Variants in CCDC47 observed in about 807,000 individuals in gnomAD.
The protein encoded by CCDC47 is PAT complex subunit CCDC47.
Under a neutral mutation model 60.5 loss-of-function variants are expected in CCDC47, and 41 were observed. The ratio of observed to expected loss-of-function variants is 0.68; its 90% CI spans 0.53 to 0.88. The LOEUF is 0.88. Ranked by LOEUF, CCDC47 falls within the 40% of genes least tolerant of loss-of-function variation. The pLI is 0.00. For synonymous variants in CCDC47, 195 were observed against 190.7 expected (o/e 1.02, Z -0.18); for missense variants, 513 against 580.9 (o/e 0.88, Z 1.20).
At chr17:63,765,307 A>T (rs1052539173) in intron 2 of CCDC47, among the ~76,000 whole-genome samples, 2 of 151,704 alleles carry the variant, frequency 1.3e-5, no homozygotes, top group African/African-American at 4.8e-5. Flanking sequence ...CACCAAAATG[A>T]TGAGTCCCCA....
rs1568254319 is a variant in CCDC47, at chr17:63,773,463, CCGGCCTGCCTCT to C, written c.-83_-72del. The C allele has an allele frequency of 6.5e-6, 1 of 153,150 alleles. No individual in the cohort carries two copies. The highest frequency in any genetic ancestry group is 1.5e-5 in the Non-Finnish European group (1 of 68,792). 9.5% of individuals were successfully genotyped at this position (153,150 alleles called of 1,614,324 possible). A position where few individuals can be genotyped will look rare whatever the true frequency, so the allele number is the denominator to read the frequency against. On this transcript the variant is annotated 5_prime_UTR_variant, in exon 1 of 13. Transcript: ENST00000225726. Reference sequence around the variant, plus strand: ...AGCGCCCTGCGTCCGACACCCCTGCCCGGCCTGCCTCTCGGCCTGGCCGCCGCCTCCGCGATC... The same window carrying C: ...AGCGCCCTGCGTCCGACACCCCTGCCCGGCCTGGCCGCCGCCTCCGCGATC...
chr17:63,747,036 T>G, intron 12 of CCDC47, 75 bp from the exon 13 acceptor site: 1 of 1,554,620 alleles, frequency 6.4e-7, no homozygotes, highest in African/African-American at 1.4e-5. Context: ...GAAACATATG[T>G]TAAAAAAAAA....
chr17:63,754,576 T>TC, intron 8 of CCDC47, 58 bp from the exon 9 acceptor site: 1 of 1,129,546 alleles, frequency 8.9e-7, no homozygotes, highest in Non-Finnish European at 1.3e-6. Flanking sequence ...TCCCTTTTTT[T>TC]CCTAAAGATA....
At chr17:63,759,564 TATATATATATATAA>T (rs1204912955) in intron 6 of CCDC47, among the ~76,000 whole-genome samples, 4 of 84,584 alleles carry the variant, frequency 4.7e-5, no homozygotes, top group Non-Finnish European at 6.5e-5. Context: ...TATATATATA[TATATATATATATAA>T]AACAATGATT....
chr17:63,769,263 A>C (rs529354065), intron 1 of CCDC47, among the ~76,000 whole-genome samples: 54 of 151,036 alleles, frequency 3.6e-4, no homozygotes, highest in African/African-American at 8.8e-4. Context: ...AAAAAAAAAA[A>C]CAAAATGTTA....
At chr17:63,751,801 T>TGTTTAGC (rs1374622731) in intron 12 of CCDC47, 139 bp downstream of exon 12, 2 of 902,892 alleles carry the variant, frequency 2.2e-6, no homozygotes, top group South Asian at 2.6e-5. Context: ...TTCTTTATAG[T>TGTTTAGC]GTTATCAATT....
Position 63,766,005 on chromosome 17 carries a change from G to A in CCDC47, c.171C>T (p.Val57=). The A allele has an allele frequency of 6.2e-7, 1 of 1,613,918 alleles. No homozygotes were observed. Among genetic ancestry groups the A allele is most frequent in the Non-Finnish European group, 8.5e-7 (1 of 1,179,938 alleles). Residue 57 remains valine, a synonymous_variant, in exon 2 of 13, where the codon GTC becomes GTT. Transcript: ENST00000225726. ...EDSVTESPQR[V]IITEDDEDET... ...CATCTTCATCATCTTCAGTGATTAT[G>A]ACCCGTTGAGGAGATTCAGTAACAG... is the stretch of plus-strand genomic sequence containing the variant.
At chr17:63,752,495 T>TA in intron 10 of CCDC47, 66 bp from the exon 11 acceptor site, 1 of 1,101,402 alleles carries the variant, frequency 9.1e-7, no homozygotes, top group African/African-American at 1.6e-5. Flanking sequence ...GTCACCCAAC[T>TA]CTTTTTTTTT....
At position 63,754,576 on chromosome 17, in the gene CCDC47, TC is replaced by T. The variant is rs1161304050; in HGVS notation, c.949-59del. The T allele has an allele frequency of 6.2e-6, 7 of 1,129,428 alleles. No individual in the cohort carries two copies. In the African/African-American group the frequency reaches 7.8e-5, roughly 13 times the overall value. 70.0% of individuals were successfully genotyped at this position (1,129,428 alleles called of 1,614,324 possible). ...AAGGTTTAATGCATTTCCCTTTTTTTCCTAAAGATATTCACTCTTTGAGATG... is the reference window on the plus strand; with the variant it reads ...AAGGTTTAATGCATTTCCCTTTTTTTCTAAAGATATTCACTCTTTGAGATG... On this transcript the variant is annotated intron_variant, in intron 8 of 12. Coordinates refer to ENST00000225726, the MANE Select transcript of CCDC47 (RefSeq NM_020198.3).
In CCDC47 at chr17:63,754,532, A is replaced by G; in HGVS notation, c.949-14T>C. On this transcript the variant is annotated splice_polypyrimidine_tract_variant and intron_variant, in intron 8 of 12. Transcript: ENST00000225726. ...AAAGTGAACCATCTGAAAAAAAGAA[A>G]ATAATATTTTTTAAAAGCAAGGTTT... The G allele has an allele frequency of 6.5e-7, 1 of 1,547,024 alleles. No homozygotes were observed. The highest frequency in any genetic ancestry group is 8.8e-7 in the Non-Finnish European group (1 of 1,132,088).
At chr17:63,753,505 C>A (rs1218088683) in intron 9 of CCDC47, 1 of 318,626 alleles carries the variant, frequency 3.1e-6, no homozygotes, top group Non-Finnish European at 4.5e-6. Flanking sequence ...CACAGCCTAT[C>A]AGAGGGTAGT....
chr17:63,764,902 T>A lies in CCDC47; in HGVS notation c.265-55A>T. The stretch of plus-strand genomic sequence containing the variant: ...TCTACAAATGTCACCAGCAGCTGTG[T>A]CTCATTTTGTTGGCAACATTTGTTG... On this transcript the variant is annotated intron_variant, in intron 2 of 12. Coordinates refer to ENST00000225726, the MANE Select transcript of CCDC47 (RefSeq NM_020198.3). 4 of 1,566,076 alleles carry A rather than the reference T, an allele frequency of 2.6e-6. No individual in the cohort carries two copies. The South Asian group carries it at 4.8e-5, about 19-fold the overall frequency.
chr17:63,756,131 TAA>T, intron 8 of CCDC47, 107 bp downstream of exon 8: 1 of 716,564 alleles, frequency 1.4e-6, no homozygotes. Flanking sequence ...GAAAGGAATG[TAA>T]AACTAATACA....
chr17:63,766,940 C>T, intron 1 of CCDC47: 3 of 984,466 alleles, frequency 3.0e-6, no homozygotes, highest in Non-Finnish European at 3.6e-6. Flanking sequence ...GATTTGTGTT[C>T]ATGCATGAAC....
chr17:63,762,814 T>G (rs1386821687), intron 4 of CCDC47, among the ~76,000 whole-genome samples: 1 of 152,268 alleles, frequency 6.6e-6, no homozygotes, highest in Non-Finnish European at 1.5e-5. Context: ...TTGGTTTCCG[T>G]CAGAATTTTA....
intron 6 of CCDC47, 49 bp from the exon 7 acceptor site, chr17:63,756,619 G>T: frequency 1.6e-6 from 2 of 1,277,166 alleles, no homozygotes; most frequent in Non-Finnish European, 2.3e-6. Context: ...TAGGTTCTGT[G>T]ATAGGCAGAT....
Position 63,751,951 on chromosome 17 carries a change from G to A in CCDC47, c.1360C>T (p.Arg454Cys), listed in dbSNP as rs755476973. The A allele has an allele frequency of 6.8e-6, 11 of 1,613,390 alleles. No individual in the cohort carries two copies. Among genetic ancestry groups the A allele is most frequent in the East Asian group, 2.2e-5 (1 of 44,882 alleles). The change falls in exon 12 of 13, where the codon CGC (arginine) becomes TGC (cysteine). Residue 454 changes from arginine (R) to cysteine (C), a missense_variant. Transcript: ENST00000225726. Reference protein sequence around the residue: ...IMNEEDPEKQRRLEEAALRRE... With the variant: ...IMNEEDPEKQCRLEEAALRRE... The stretch of plus-strand genomic sequence containing the variant: ...TAAGTTTGTCTAACCTCCAGCCTGC[G>A]CTGTTTCTCAGGATCTTCCTCATTC...
rs1259887358 is a variant in CCDC47 at position 63,759,528 on chromosome 17, TA to T, written c.735+1385del. 8.5e-3 allele frequency among the ~76,000 whole-genome samples: 6 copies of T among 708 alleles called. 1 individual carries two copies. The highest frequency in any genetic ancestry group is 0.014 in the Non-Finnish European group (6 of 424). The allele number at this position is 708 out of a possible 152,430, so 0.5% of individuals were successfully genotyped here. On this transcript the variant is annotated intron_variant, in intron 6 of 12. Coordinates refer to ENST00000225726, the MANE Select transcript of CCDC47 (RefSeq NM_020198.3). ...AAAAAAATATATATATATATATATTTATATATATATATATATATATATATAT... is the reference window on the plus strand; with the variant it reads ...AAAAAAATATATATATATATATATTTTATATATATATATATATATATATAT...
At position 63,761,375 on chromosome 17, in the gene CCDC47, G is replaced by A. The variant is rs2039258885; in HGVS notation, c.548-24C>T. On this transcript the variant is annotated intron_variant, in intron 4 of 12. Transcript: ENST00000225726. ...CCCTAGGGGTAAAACCACTTAATGT[G>A]ACTCAACAGAAAATGTCAAGGCCGG... The A allele has an allele frequency of 1.9e-6, 3 of 1,613,082 alleles. No individual in the cohort carries two copies. In the South Asian group the frequency reaches 3.3e-5, roughly 18 times the overall value.
Sources: gnomAD v4.1 joint callset for allele counts (sites outside exome capture counted in the v4.1 genomes callset) on GRCh38, gnomAD v4.1.1 for gene constraint, MANE v1.5 for transcripts, NCBI Gene and HGNC (gene_info 2026-07-23, HGNC 2026-07-21) for gene names.